Variants in GAB2 observed in about 807,000 individuals in gnomAD.
GAB2 encodes the protein GRB2 associated binding protein 2, also known as GRB2-associated-binding protein 2.
Under a neutral mutation model 65.5 loss-of-function variants are expected in GAB2, and 26 were observed. That is an observed-to-expected ratio of 0.40 (90% CI 0.29 to 0.55). The LOEUF (loss-of-function observed/expected upper bound fraction) is 0.55. Ranked by LOEUF, GAB2 falls within the 20% of genes least tolerant of loss-of-function variation. GAB2 has a pLI of 0.53. For missense variants in GAB2, 884 were observed against 875.8 expected (o/e 1.01, Z -0.12); for synonymous variants, 321 against 329.6 (o/e 0.97, Z 0.28).
intron 1 of GAB2, among the ~76,000 whole-genome samples, chr11:78,384,567 C>T (rs1856741975): frequency 1.3e-5 from 2 of 152,156 alleles, no homozygotes. Context: ...CCAAACAGGC[C>T]CTGGTCCTGG....
intron 1 of GAB2, among the ~76,000 whole-genome samples, chr11:78,348,166 A>G (rs1856220005): frequency 1.3e-5 from 2 of 152,190 alleles, no homozygotes; most frequent in African/African-American, 4.8e-5. Context: ...TGACAGAAGC[A>G]GAAGAGGTAG....
chr11:78,357,041 T>C (rs1856368697), intron 1 of GAB2, among the ~76,000 whole-genome samples: 1 of 152,166 alleles, frequency 6.6e-6, no homozygotes, highest in Non-Finnish European at 1.5e-5. Flanking sequence ...GGTACACAGT[T>C]CCAGTTTTGT....
chr11:78,411,832 C>G (rs575834832), intron 1 of GAB2, among the ~76,000 whole-genome samples: 19 of 151,830 alleles, frequency 1.3e-4, no homozygotes, highest in Non-Finnish European at 2.2e-4. Context: ...GAGATTGAGA[C>G]CATCCTGGCC....
At chr11:78,412,317 C>T (rs549151656) in intron 1 of GAB2, among the ~76,000 whole-genome samples, 2 of 152,094 alleles carry the variant, frequency 1.3e-5, no homozygotes, top group Non-Finnish European at 2.9e-5. Flanking sequence ...ACATCCATAC[C>T]ATGAAATACT....
At chr11:78,332,400 C>G (rs1855930480) in intron 1 of GAB2, among the ~76,000 whole-genome samples, 1 of 152,070 alleles carries the variant, frequency 6.6e-6, no homozygotes, top group South Asian at 2.1e-4. Context: ...TATAGGGTAC[C>G]TGGTATGATT....
chr11:78,288,656 A>G (rs1866561479), intron 1 of GAB2, among the ~76,000 whole-genome samples: 1 of 152,212 alleles, frequency 6.6e-6, no homozygotes, highest in Non-Finnish European at 1.5e-5. Context: ...GCTAAAAGCT[A>G]TACAAAGCTA....
intron 1 of GAB2, among the ~76,000 whole-genome samples, chr11:78,298,148 C>T (rs1172263750): frequency 2.0e-5 from 3 of 152,150 alleles, no homozygotes; most frequent in Admixed American, 6.6e-5. Context: ...AGATAGACTA[C>T]TGCTCAAGAA....
chr11:78,250,069 T>C, intron 3 of GAB2, 88 bp downstream of exon 3: 1 of 1,343,384 alleles, frequency 7.4e-7, no homozygotes, highest in Non-Finnish European at 1.1e-6. Flanking sequence ...ATATAATGTT[T>C]TGCTTGTCTT....
intron 1 of GAB2, among the ~76,000 whole-genome samples, chr11:78,326,972 T>C (rs560025997): frequency 1.4e-4 from 22 of 152,232 alleles, no homozygotes; most frequent in Middle Eastern, 3.4e-3. Flanking sequence ...TAAGAAGAAA[T>C]TGGATGGAGA....
In GAB2 at chr11:78,233,864, G is replaced by A. The variant is rs540504277; in HGVS notation, c.621-6813C>T. Among the ~76,000 whole-genome samples the A allele has an allele frequency of 3.6e-3, 550 of 152,300 alleles. 2 individuals are homozygous for A. The highest frequency in any genetic ancestry group is 6.5e-3 in the Non-Finnish European group (441 of 68,014). Reference sequence around the variant, plus strand: ...CCTGGCCTCAAGTTATCTGCCTGCTGCCTCCCAAAGTGCTGAGATTACAGG... The same window carrying A: ...CCTGGCCTCAAGTTATCTGCCTGCTACCTCCCAAAGTGCTGAGATTACAGG... On this transcript the variant is annotated intron_variant, in intron 3 of 9. Coordinates refer to ENST00000361507, the MANE Select transcript of GAB2 (RefSeq NM_080491.3).
chr11:78,294,043 C>T (rs11237443), intron 1 of GAB2, among the ~76,000 whole-genome samples: 1 of 151,748 alleles, frequency 6.6e-6, no homozygotes, highest in Admixed American at 6.6e-5. Flanking sequence ...CATTAGGTAT[C>T]TCTCCTAATG....
chr11:78,417,628 G>A lies in GAB2; in HGVS notation c.75+18C>T, dbSNP rs1591101700. 1 of 1,317,952 alleles carries A rather than the reference G, an allele frequency of 7.6e-7. No individual in the cohort carries two copies. The highest frequency in any genetic ancestry group is 1.4e-5 in the South Asian group (1 of 69,156). 81.6% of individuals were successfully genotyped at this position (1,317,952 alleles called of 1,614,324 possible). A position where few individuals can be genotyped will look rare whatever the true frequency, so the allele number is the denominator to read the frequency against. On this transcript the variant is annotated intron_variant, in intron 1 of 9. Transcript: ENST00000361507. ...GAGCGCCCCCCGCCCGCCCCTGGGCGGCCGCGCCCGCACTCACATAGCGCC... is the reference window on the plus strand; with the variant it reads ...GAGCGCCCCCCGCCCGCCCCTGGGCAGCCGCGCCCGCACTCACATAGCGCC...
intron 1 of GAB2, among the ~76,000 whole-genome samples, chr11:78,410,812 G>T (rs1432998254): frequency 2.0e-5 from 3 of 152,122 alleles, no homozygotes; most frequent in Admixed American, 6.6e-5. Flanking sequence ...TTAATCTGGA[G>T]AATTCTACCA....
intron 2 of GAB2, among the ~76,000 whole-genome samples, chr11:78,252,928 A>G (rs1339652002): frequency 6.6e-6 from 1 of 151,106 alleles, no homozygotes; most frequent in Non-Finnish European, 1.5e-5. Context: ...TTTCTCAGCA[A>G]CCATGTCACG....
chr11:78,262,457 C>A (rs1490620892), intron 2 of GAB2, among the ~76,000 whole-genome samples: 2 of 152,222 alleles, frequency 1.3e-5, no homozygotes, highest in Non-Finnish European at 2.9e-5. Flanking sequence ...GGGAAAAGAT[C>A]TTGAACTCTG....
At chr11:78,365,965 G>A (rs1341955050) in intron 1 of GAB2, among the ~76,000 whole-genome samples, 4 of 152,180 alleles carry the variant, frequency 2.6e-5, no homozygotes, top group Admixed American at 2.6e-4. Context: ...TAACTGCTGT[G>A]TAATTATGGA....
intron 9 of GAB2, among the ~76,000 whole-genome samples, chr11:78,220,054 C>T (rs1454443031): frequency 1.3e-5 from 2 of 152,172 alleles, no homozygotes; most frequent in Non-Finnish European, 2.9e-5. Context: ...GATCTCTGTG[C>T]ACTCATTTGC....
intron 2 of GAB2, among the ~76,000 whole-genome samples, chr11:78,277,755 T>A (rs1866214991): frequency 6.6e-6 from 1 of 152,220 alleles, no homozygotes; most frequent in Admixed American, 6.5e-5. Flanking sequence ...CACAACCCCC[T>A]GGAAGCATGC....
At chr11:78,243,453 G>T (rs12790916) in intron 3 of GAB2, among the ~76,000 whole-genome samples, 36,818 of 152,020 alleles carry the variant, frequency 0.24, 5,903 homozygotes, top group Non-Finnish European at 0.36. Context: ...GGGTGACACA[G>T]CGAGACTCCG....
Sources: gnomAD v4.1 joint callset for allele counts (sites outside exome capture counted in the v4.1 genomes callset) on GRCh38, gnomAD v4.1.1 for gene constraint, MANE v1.5 for transcripts, NCBI Gene and HGNC (gene_info 2026-07-23, HGNC 2026-07-21) for gene names.